KCNMA1: variants seen among roughly 807,000 people sequenced by gnomAD.
The protein encoded by KCNMA1 is Calcium-activated potassium channel subunit alpha-1.
A neutral mutation model predicts 140.0 loss-of-function variants in KCNMA1; 29 were observed. That is an observed-to-expected ratio of 0.21 (90% CI 0.15 to 0.28). The LOEUF (loss-of-function observed/expected upper bound fraction) is 0.28. Among genes scored for constraint, KCNMA1 ranks in the 10% least tolerant of loss-of-function variants. The pLI, the probability that KCNMA1 is intolerant of heterozygous loss-of-function variation, is 1.00. For missense variants in KCNMA1, 880 were observed against 1,602.2 expected, an observed-to-expected ratio of 0.55 and a Z score of 7.70; for synonymous variants, 612 against 611.9, an observed-to-expected ratio of 1.00 and a Z score of 0.00.
At chr10:76,951,608 T>C (rs949268762) in intron 21 of KCNMA1, among the ~76,000 whole-genome samples, 4 of 152,196 alleles carry the variant, frequency 2.6e-5, no homozygotes, top group Non-Finnish European at 5.9e-5. Flanking sequence ...TAGTTTCCCG[T>C]GCCCAGTGGG....
intron 23 of KCNMA1, chr10:76,930,101 C>T (rs1033259010): frequency 6.6e-6 from 1 of 152,096 alleles, no homozygotes; most frequent in African/African-American, 2.4e-5. Flanking sequence ...ACCAAAAGCA[C>T]AGGCAACAAA....
intron 20 of KCNMA1, among the ~76,000 whole-genome samples, chr10:76,956,121 A>G (rs1321308068): frequency 6.6e-6 from 1 of 152,236 alleles, no homozygotes; most frequent in Admixed American, 6.5e-5. Context: ...AAGAGGAGAT[A>G]CATTTTGGTT....
chr10:77,107,233 AAACAG>A (rs1442029989), intron 9 of KCNMA1, among the ~76,000 whole-genome samples: 2 of 152,238 alleles, frequency 1.3e-5, no homozygotes, highest in African/African-American at 4.8e-5. Context: ...AGTTCATTTG[AAACAG>A]AACGAGAAGG....
At chr10:77,517,468 G>A (rs754387747) in intron 1 of KCNMA1, among the ~76,000 whole-genome samples, 5 of 152,210 alleles carry the variant, frequency 3.3e-5, no homozygotes, top group Admixed American at 6.5e-5. Flanking sequence ...GGACATGGGC[G>A]TGTTATTACC....
intron 2 of KCNMA1, among the ~76,000 whole-genome samples, chr10:77,260,561 T>C (rs868220570): frequency 4.6e-5 from 7 of 152,056 alleles, no homozygotes; most frequent in South Asian, 2.1e-4. Flanking sequence ...GTACAAAAAT[T>C]AGTTGGGCGT....
chr10:77,104,976 C>T (rs2097171849), intron 9 of KCNMA1, among the ~76,000 whole-genome samples: 1 of 152,176 alleles, frequency 6.6e-6, no homozygotes, highest in Non-Finnish European at 1.5e-5. Flanking sequence ...CAGGAGGGCT[C>T]CCTTATGAAT....
Position 76,886,972 on chromosome 10 carries a change from T to G in KCNMA1, c.*294A>C. 2 of 1,247,750 alleles carry G rather than the reference T, an allele frequency of 1.6e-6. No individual in the cohort carries two copies. The highest frequency in any genetic ancestry group is 2.0e-6 in the Non-Finnish European group (2 of 981,692). The allele number at this position is 1,247,750 out of a possible 1,614,324, so 77.3% of individuals were successfully genotyped here. On this transcript the variant is annotated 3_prime_UTR_variant, in exon 28 of 28. Transcript: ENST00000286628. ...TGATCACAAGTGCTCCCTTCTAATC[T>G]GTGAACTCGTTCCTGCAGTGAGCTA...
chr10:76,954,143 T>C (rs532541646), intron 20 of KCNMA1, among the ~76,000 whole-genome samples: 2 of 152,226 alleles, frequency 1.3e-5, no homozygotes, highest in African/African-American at 2.4e-5. Flanking sequence ...AGGGAGCATT[T>C]CTGCCTTTCC....
At chr10:77,428,340 C>T (rs1180366016) in intron 1 of KCNMA1, among the ~76,000 whole-genome samples, 1 of 152,078 alleles carries the variant, frequency 6.6e-6, no homozygotes, top group Non-Finnish European at 1.5e-5. Context: ...AGCTCATCAC[C>T]CTAAAAATAA....
intron 19 of KCNMA1, among the ~76,000 whole-genome samples, chr10:76,983,839 T>C (rs2080339809): frequency 6.6e-6 from 1 of 152,132 alleles, no homozygotes; most frequent in Non-Finnish European, 1.5e-5. Context: ...ATTCATTTTC[T>C]CCCACATAAG....
intron 1 of KCNMA1, among the ~76,000 whole-genome samples, chr10:77,441,690 C>A (rs1008374746): frequency 1.3e-5 from 2 of 152,146 alleles, no homozygotes; most frequent in Non-Finnish European, 2.9e-5. Flanking sequence ...ACTCTCTCCC[C>A]TCTCTTCCCT....
chr10:77,345,727 T>C (rs747752849), intron 2 of KCNMA1, among the ~76,000 whole-genome samples: 1 of 152,232 alleles, frequency 6.6e-6, no homozygotes, highest in Non-Finnish European at 1.5e-5. Context: ...CTCTGCACCA[T>C]GCAGTTCCCA....
chr10:77,637,233 C>T (rs1330859437), intron 1 of KCNMA1, 32 bp downstream of exon 1: 4 of 1,563,754 alleles, frequency 2.6e-6, no homozygotes, highest in South Asian at 2.3e-5. Context: ...GTGGGGCTGG[C>T]GCAGAGGGCG....
chr10:76,905,723 A>G (rs2047565231), intron 25 of KCNMA1, among the ~76,000 whole-genome samples: 4 of 152,144 alleles, frequency 2.6e-5, no homozygotes, highest in African/African-American at 9.7e-5. Flanking sequence ...CATTCAAGCT[A>G]TTTCATGTTC....
chr10:77,093,813 T>C (rs1326105080), intron 9 of KCNMA1, among the ~76,000 whole-genome samples: 1 of 152,160 alleles, frequency 6.6e-6, no homozygotes, highest in African/African-American at 2.4e-5. Context: ...TCACAGGGCA[T>C]GATTTGAAGA....
At chr10:77,505,008 T>C (rs1396039743) in intron 1 of KCNMA1, among the ~76,000 whole-genome samples, 3 of 152,160 alleles carry the variant, frequency 2.0e-5, no homozygotes, top group African/African-American at 4.8e-5. Flanking sequence ...CTGAGATTCC[T>C]TGGCCATCTG....
At chr10:77,528,705 C>A (rs1164468817) in intron 1 of KCNMA1, among the ~76,000 whole-genome samples, 2 of 151,914 alleles carry the variant, frequency 1.3e-5, no homozygotes, top group African/African-American at 4.8e-5. Context: ...GGAAACAACA[C>A]AGATGTCCAT....
intron 1 of KCNMA1, among the ~76,000 whole-genome samples, chr10:77,569,846 G>C (rs1179415842): frequency 6.6e-6 from 1 of 152,094 alleles, no homozygotes; most frequent in Non-Finnish European, 1.5e-5. Flanking sequence ...ATCTGACAAA[G>C]GGCTAATATC....
At chr10:77,302,447 C>T (rs1488611338) in intron 2 of KCNMA1, among the ~76,000 whole-genome samples, 2 of 152,122 alleles carry the variant, frequency 1.3e-5, no homozygotes, top group Admixed American at 1.3e-4. Flanking sequence ...AAGCATTGCT[C>T]GGGTCCAGGC....
Sources: gnomAD v4.1 joint callset for allele counts (sites outside exome capture counted in the v4.1 genomes callset) on GRCh38, gnomAD v4.1.1 for gene constraint, MANE v1.5 for transcripts, NCBI Gene and HGNC (gene_info 2026-07-23, HGNC 2026-07-21) for gene names.